Variants in ZNF558 observed in about 807,000 individuals in gnomAD.
ZNF558 encodes zinc finger protein 558.
Under a neutral mutation model 37.6 loss-of-function variants are expected in ZNF558, and 23 were observed. The observed-to-expected ratio is 0.61, with a 90% CI of 0.44 to 0.87. The LOEUF is 0.87. Ranked by LOEUF, ZNF558 falls within the 40% of genes least tolerant of loss-of-function variation. ZNF558 has a pLI of 0.00. For missense variants in ZNF558, 429 were observed against 483.7 expected (o/e 0.89, Z 1.06); for synonymous variants, 189 against 174.4 (o/e 1.08, Z -0.66).
chr19:8,820,395 T>A (rs2044053671), intron 7 of ZNF558, among the ~76,000 whole-genome samples: 2 of 152,224 alleles, frequency 1.3e-5, no homozygotes, highest in South Asian at 4.1e-4. Context: ...GAAAAATGGA[T>A]TGGCAAAATG....
rs200890387 is a variant in ZNF558 at position 8,818,555 on chromosome 19, G to GT, written c.247+2624dup. Among the ~76,000 whole-genome samples, 627 of 152,110 alleles carry GT rather than the reference G, an allele frequency of 4.1e-3. 5 individuals carry two copies. Among genetic ancestry groups the GT allele is most frequent in the African/African-American group, 0.015 (602 of 41,490 alleles). On this transcript the variant is annotated intron_variant, in intron 7 of 9. Coordinates refer to ENST00000601372, the MANE Select transcript of ZNF558 (RefSeq NM_144693.3). ...AAAACAATCACTATCAAAATTCTGA[G>GT]TTTTTTTTCCTTTCAGAAATACACA...
At chr19:8,832,720 G>A (rs563599052), upstream of ZNF558, among the ~76,000 whole-genome samples, 275 of 152,172 alleles carry the variant, frequency 1.8e-3, no homozygotes, top group Non-Finnish European at 3.3e-3. Flanking sequence ...CCAGTTCTCG[G>A]GGCGGATGGT....
intron 2 of ZNF558, among the ~76,000 whole-genome samples, chr19:8,828,291 G>A (rs1011404189): frequency 1.2e-4 from 18 of 152,148 alleles, no homozygotes; most frequent in African/African-American, 3.1e-4. Context: ...CTTAACATGC[G>A]TCCCTGAGTT....
intron 7 of ZNF558, among the ~76,000 whole-genome samples, chr19:8,818,605 T>C (rs893952483): frequency 2.0e-5 from 3 of 152,146 alleles, no homozygotes; most frequent in Non-Finnish European, 4.4e-5. Context: ...TTCATGGCAT[T>C]GCGAGGGATC....
upstream of ZNF558, among the ~76,000 whole-genome samples, chr19:8,835,378 G>A (rs992392781): frequency 4.2e-4 from 64 of 152,164 alleles, no homozygotes; most frequent in African/African-American, 1.3e-3. Context: ...AGTTCGAATC[G>A]TCATTTCTAC....
At chr19:8,821,848 T>C (rs12978839) in intron 6 of ZNF558, 155 bp downstream of exon 6, 253,451 of 1,480,378 alleles carry the variant, frequency 0.17, 23,790 homozygotes, top group East Asian at 0.34. Flanking sequence ...CACACTGACA[T>C]TTTCTGGGCA....
At chr19:8,833,399 A>C (rs1402107342), upstream of ZNF558, 1 of 152,218 alleles carries the variant, frequency 6.6e-6, no homozygotes, top group East Asian at 1.9e-4. Flanking sequence ...ATATTCTCCC[A>C]CCACGGTCTT....
chr19:8,834,425 T>C (rs978979827), upstream of ZNF558, among the ~76,000 whole-genome samples: 3 of 151,452 alleles, frequency 2.0e-5, no homozygotes, highest in African/African-American at 7.3e-5. Context: ...CTGGCTAACA[T>C]GGTGAAACCC....
Position 8,822,640 on chromosome 19 carries a change from G to A in ZNF558, c.20C>T (p.Pro7Leu). 1.2e-6 allele frequency: 2 copies of A among 1,614,098 alleles called. No homozygotes were observed. The highest frequency in any genetic ancestry group is 1.7e-6 in the Non-Finnish European group (2 of 1,179,998). The change falls in exon 5 of 10, where the codon CCC becomes CTC. Residue 7 changes from proline (P) to leucine (L), a missense_variant. By Grantham distance (98) the Pro-to-Leu change is moderately conservative (BLOSUM62 -3). Coordinates refer to ENST00000601372, the MANE Select transcript of ZNF558 (RefSeq NM_144693.3). This position sits in a 1 kb window ranked among gnomAD's most constrained non-coding sequence, Gnocchi z 4.4. Reference sequence around the variant, plus strand: ...ACCCCACGACTCACCAGCAGTCGAGGGCAGGATGACAGCCGCCATCCTGTG... The same window carrying A: ...ACCCCACGACTCACCAGCAGTCGAGAGCAGGATGACAGCCGCCATCCTGTG... MAAVIL[P>L]STAAPSSLFP...
intron 2 of ZNF558, among the ~76,000 whole-genome samples, chr19:8,827,929 C>T (rs1036434498): frequency 2.6e-5 from 4 of 152,076 alleles, no homozygotes; most frequent in Non-Finnish European, 4.4e-5. Context: ...GTGCAGGGAG[C>T]GTGGCAGCCT....
chr19:8,814,035 C>A (rs1299063942), intron 7 of ZNF558, among the ~76,000 whole-genome samples: 1 of 152,138 alleles, frequency 6.6e-6, no homozygotes, highest in Non-Finnish European at 1.5e-5. Flanking sequence ...CATCCCTCCA[C>A]AAAAACAGTG....
chr19:8,822,479 A>T lies in ZNF558; in HGVS notation c.31+150T>A. 1 of 1,099,816 alleles carries T rather than the reference A, an allele frequency of 9.1e-7. No homozygotes were observed. The highest frequency in any genetic ancestry group is 1.5e-5 in the South Asian group (1 of 66,630). 68.1% of individuals were successfully genotyped at this position (1,099,816 alleles called of 1,614,324 possible). A position where few individuals can be genotyped will look rare whatever the true frequency, so the allele number is the denominator to read the frequency against. On this transcript the variant is annotated intron_variant, in intron 5 of 9. Coordinates refer to ENST00000601372, the MANE Select transcript of ZNF558 (RefSeq NM_144693.3). The surrounding 1 kb of genome is among the most constrained non-coding windows in gnomAD (Gnocchi z 4.4). ...CCAAATGCCTAAGTCCCAAATCCCG[A>T]GAGCTGCCCGATCAGACACGGAGGA... is the stretch of plus-strand genomic sequence containing the variant.
rs1047722179 is a variant in ZNF558, at chr19:8,810,052, C to G, written c.*1229G>C. 5.3e-5 allele frequency: 8 copies of G among 152,168 alleles called. No individual in the cohort carries two copies. Among genetic ancestry groups the G allele is most frequent in the Non-Finnish European group, 1.0e-4 (7 of 68,030 alleles). 9.4% of individuals were successfully genotyped at this position (152,168 alleles called of 1,614,324 possible). A position where few individuals can be genotyped will look rare whatever the true frequency, so the allele number is the denominator to read the frequency against. ...CATCCAGGGAGAAGTTCCATATTTT[C>G]CCTAACACAGAGGCATCACTGAAGG... On this transcript the variant is annotated 3_prime_UTR_variant, in exon 10 of 10. Coordinates refer to ENST00000601372, the MANE Select transcript of ZNF558 (RefSeq NM_144693.3).
At chr19:8,817,990 A>C (rs554584400) in intron 7 of ZNF558, among the ~76,000 whole-genome samples, 1 of 152,326 alleles carries the variant, frequency 6.6e-6, no homozygotes, top group African/African-American at 2.4e-5. Flanking sequence ...AGACCTAACA[A>C]ATATATAAAG....
At chr19:8,832,072 TGCTGACCTAA>T (rs2044373465) in intron 1 of ZNF558, 127 bp downstream of exon 1, 1 of 152,264 alleles carries the variant, frequency 6.6e-6, no homozygotes, top group Non-Finnish European at 1.5e-5. Flanking sequence ...AGCAGCTTCG[TGCTGACCTAA>T]GCTCACAGCC....
At chr19:8,819,671 C>T (rs1055196645) in intron 7 of ZNF558, among the ~76,000 whole-genome samples, 3 of 152,168 alleles carry the variant, frequency 2.0e-5, no homozygotes, top group African/African-American at 7.2e-5. Flanking sequence ...GGAGCGGTGG[C>T]TCACACTTGT....
rs1217620056 is a variant in ZNF558 at position 8,811,084 on chromosome 19, C to A, written c.*197G>T. ...CATGAGAGATCCTGCAGTGTAACTACAGAGATAAGCTGTTCTTGAATTCCT... is the reference window on the plus strand; with the variant it reads ...CATGAGAGATCCTGCAGTGTAACTAAAGAGATAAGCTGTTCTTGAATTCCT... On this transcript the variant is annotated 3_prime_UTR_variant, in exon 10 of 10. Coordinates refer to ENST00000601372, the MANE Select transcript of ZNF558 (RefSeq NM_144693.3). 3 of 549,014 alleles carry A rather than the reference C, an allele frequency of 5.5e-6. No individual in the cohort carries two copies. The highest frequency in any genetic ancestry group is 1.9e-5 in the African/African-American group (1 of 52,592). 34.0% of individuals were successfully genotyped at this position (549,014 alleles called of 1,614,324 possible).
At position 8,824,239 on chromosome 19, in the gene ZNF558, T is replaced by C. The variant is rs570240483; in HGVS notation, c.-223A>G. The C allele has an allele frequency of 7.2e-5, 11 of 152,224 alleles. No individual in the cohort carries two copies. Among genetic ancestry groups the C allele is most frequent in the Admixed American group, 1.3e-4 (2 of 15,270 alleles). The allele number at this position is 152,224 out of a possible 1,614,324, so 9.4% of individuals were successfully genotyped here. On this transcript the variant is annotated 5_prime_UTR_variant, in exon 4 of 10. Transcript: ENST00000601372. ...TTGCCATGGTGGGAAGACGCTCAAG[T>C]GGCCCTGTGGAGAGGCCTATGTGGA...
In ZNF558 at chr19:8,814,479, A is replaced by T. The variant is rs144810552; in HGVS notation, c.248-1257T>A. The stretch of plus-strand genomic sequence containing the variant: ...CAAAAGACTAACCGAAAAGCCTGAA[A>T]GGAAAAATGGGGAAAAAGATGTTTG... On this transcript the variant is annotated intron_variant, in intron 7 of 9. Transcript: ENST00000601372. Among the ~76,000 whole-genome samples the T allele has an allele frequency of 9.7e-3, 1,485 of 152,318 alleles. 14 individuals carry two copies. Among genetic ancestry groups the T allele is most frequent in the Non-Finnish European group, 0.014 (921 of 68,016 alleles).
Sources: gnomAD v4.1 joint callset for allele counts (sites outside exome capture counted in the v4.1 genomes callset) on GRCh38, gnomAD v4.1.1 for gene constraint, Gnocchi (gnomAD v3.1) non-coding constraint, MANE v1.5 for transcripts, NCBI Gene and HGNC (gene_info 2026-07-23, HGNC 2026-07-21) for gene names.